The following ASPRV1 variants were observed in gnomAD, a reference collection of about 807,000 sequenced individuals.
ASPRV1 encodes the protein retroviral-like aspartic protease 1.
Under a neutral mutation model 11.0 loss-of-function variants are expected in ASPRV1, and 7 were observed. The ratio of observed to expected loss-of-function variants is 0.64; its 90% CI spans 0.36 to 1.20. The LOEUF (loss-of-function observed/expected upper bound fraction) is 1.20, where lower values mean the gene tolerates loss of function less well. ASPRV1 is among the 50% of genes most tolerant of loss of function. The probability of loss-of-function intolerance (pLI) is 0.02; values close to 1 mark genes in which losing one functional copy is unlikely to be tolerated. For missense variants in ASPRV1, 299 were observed against 320.0 expected (o/e 0.93, Z 0.50); for synonymous variants, 136 against 138.4 (o/e 0.98, Z 0.12).
At chr2:69,946,195 A>C in the ASPRV1 span, among the ~76,000 whole-genome samples, 89,707 of 152,088 alleles carry the variant, frequency 0.59, 29,254 homozygotes, top group African/African-American at 0.86. Flanking sequence ...AGGCGGAAAA[A>C]ACCATTGCTG....
At chr2:70,018,008 T>C in the ASPRV1 span, 1 of 151,844 alleles carries the variant, frequency 6.6e-6, no homozygotes, top group Admixed American at 6.6e-5. Flanking sequence ...GGTGTCATAG[T>C]GCGTACCTGT....
chr2:69,950,844 A>T, the ASPRV1 span, among the ~76,000 whole-genome samples: 2 of 136,982 alleles, frequency 1.5e-5, no homozygotes, highest in African/African-American at 5.4e-5. Flanking sequence ...CTCTGTCTCA[A>T]AAATAAATAA....
At chr2:70,073,950 G>A in the ASPRV1 span, among the ~76,000 whole-genome samples, 4 of 151,540 alleles carry the variant, frequency 2.6e-5, no homozygotes, top group Non-Finnish European at 4.4e-5. Flanking sequence ...TGGCTAACAC[G>A]GTGAAATCCC....
the ASPRV1 span, among the ~76,000 whole-genome samples, chr2:70,022,768 G>A: frequency 6.6e-6 from 1 of 152,008 alleles, no homozygotes; most frequent in Non-Finnish European, 1.5e-5. Flanking sequence ...TCTCATGGGT[G>A]TATGCACATG....
chr2:70,031,065 C>A, the ASPRV1 span: 1 of 152,182 alleles, frequency 6.6e-6, no homozygotes, highest in East Asian at 1.9e-4. Flanking sequence ...CGGATTGGGT[C>A]TGAGGGTTCC....
At chr2:69,955,904 T>C (rs1677927283), downstream of ASPRV1, among the ~76,000 whole-genome samples, 1 of 149,310 alleles carries the variant, frequency 6.7e-6, no homozygotes, top group Non-Finnish European at 1.5e-5. Context: ...CACTGAGAGG[T>C]CCTAGGAGTG....
At chr2:69,964,042 C>T (rs1246961771), upstream of ASPRV1, among the ~76,000 whole-genome samples, 1 of 152,182 alleles carries the variant, frequency 6.6e-6, no homozygotes, top group African/African-American at 2.4e-5. Context: ...TTGGCAAATG[C>T]TAAATCAAGA....
In ASPRV1 at chr2:69,960,405, A is replaced by G; in HGVS notation, c.*252T>C. On this transcript the variant is annotated 3_prime_UTR_variant, in exon 1 of 1. Coordinates refer to ENST00000320256, the MANE Select transcript of ASPRV1 (RefSeq NM_152792.4). ...TCCAGCCTTTGAGTCTTTGTCATCAACAGCAGCTTGATGACCATGGGGACC... is the reference window on the plus strand; with the variant it reads ...TCCAGCCTTTGAGTCTTTGTCATCAGCAGCAGCTTGATGACCATGGGGACC... 2 of 477,532 alleles carry G rather than the reference A, an allele frequency of 4.2e-6. No homozygotes were observed. Among genetic ancestry groups the G allele is most frequent in the South Asian group, 7.3e-5 (2 of 27,236 alleles). The allele number at this position is 477,532 out of a possible 1,614,324, so 29.6% of individuals were successfully genotyped here. A position where few individuals can be genotyped will look rare whatever the true frequency, so the allele number is the denominator to read the frequency against.
At chr2:70,067,998 G>C in the ASPRV1 span, among the ~76,000 whole-genome samples, 3 of 152,260 alleles carry the variant, frequency 2.0e-5, no homozygotes, top group Admixed American at 2.0e-4. Flanking sequence ...TGAGGTTCAC[G>C]TATTCTGGCT....
the ASPRV1 span, among the ~76,000 whole-genome samples, chr2:70,067,626 T>C: frequency 6.6e-6 from 1 of 152,072 alleles, no homozygotes; most frequent in African/African-American, 2.4e-5. Flanking sequence ...TAGAAGAAAA[T>C]ACCAGAATGA....
the ASPRV1 span, among the ~76,000 whole-genome samples, chr2:70,040,507 T>C: frequency 6.6e-6 from 1 of 152,140 alleles, no homozygotes; most frequent in African/African-American, 2.4e-5. Flanking sequence ...CTAAAGCTGT[T>C]AACAAGTTTT....
chr2:70,047,849 G>C, the ASPRV1 span, among the ~76,000 whole-genome samples: 9 of 152,130 alleles, frequency 5.9e-5, no homozygotes, highest in Non-Finnish European at 1.2e-4. Flanking sequence ...GGTGACTCAT[G>C]CCTGTAATCC....
chr2:70,021,997 C>A, the ASPRV1 span, among the ~76,000 whole-genome samples: 1 of 151,694 alleles, frequency 6.6e-6, no homozygotes, highest in Non-Finnish European at 1.5e-5. Context: ...AGCCACCGCA[C>A]CCAGCCAATA....
upstream of ASPRV1, chr2:69,961,798 C>T (rs1678129388): frequency 3.3e-6 from 4 of 1,219,184 alleles, no homozygotes; most frequent in Non-Finnish European, 4.6e-6. Context: ...TGGACCAACA[C>T]CAGCCAGCCC....
At chr2:69,938,257 C>T in the ASPRV1 span, 4 of 1,614,178 alleles carry the variant, frequency 2.5e-6, no homozygotes, top group Non-Finnish European at 2.5e-6. Flanking sequence ...AGCTGCAGGA[C>T]AGTCACAAGG....
chr2:70,004,216 C>T, the ASPRV1 span, among the ~76,000 whole-genome samples: 30 of 152,164 alleles, frequency 2.0e-4, no homozygotes, highest in Middle Eastern at 3.4e-3. Flanking sequence ...GGGACCAACT[C>T]CAGATGGAGT....
chr2:70,038,067 TTGC>T, the ASPRV1 span, among the ~76,000 whole-genome samples: 1 of 152,200 alleles, frequency 6.6e-6, no homozygotes, highest in Non-Finnish European at 1.5e-5. Context: ...TTTGTGAAGG[TTGC>T]TGCTTTTATT....
the ASPRV1 span, among the ~76,000 whole-genome samples, chr2:69,953,214 C>T: frequency 9.9e-5 from 15 of 152,196 alleles, no homozygotes; most frequent in Non-Finnish European, 1.9e-4. Flanking sequence ...AGTGTATGAC[C>T]CAGTGCTCTG....
chr2:70,061,609 A>G, the ASPRV1 span, among the ~76,000 whole-genome samples: 1 of 152,064 alleles, frequency 6.6e-6, no homozygotes, highest in Non-Finnish European at 1.5e-5. Flanking sequence ...AGGACCAGAT[A>G]CTGCAGGATC....
Sources: allele counts gnomAD v4.1 joint callset (sites outside exome capture counted in the v4.1 genomes callset), GRCh38; gene constraint gnomAD v4.1.1; transcripts MANE v1.5; gene names NCBI Gene and HGNC (gene_info 2026-07-23, HGNC 2026-07-21).